The following HOXA9 variants were observed in gnomAD, a reference collection of about 807,000 sequenced individuals.
HOXA9 encodes homeobox protein Hox-A9.
Under a neutral mutation model 19.0 loss-of-function variants are expected in HOXA9, and 18 were observed. The ratio of observed to expected loss-of-function variants is 0.95; its 90% CI spans 0.65 to 1.40. The LOEUF is 1.40. Ranked by LOEUF, HOXA9 falls within the 40% of genes most tolerant of loss-of-function variation. The probability of loss-of-function intolerance (pLI) is 0.00; values close to 1 mark genes in which losing one functional copy is unlikely to be tolerated. For synonymous variants in HOXA9, 198 were observed against 161.1 expected, an observed-to-expected ratio of 1.23 and a Z score of -1.73; for missense variants, 443 against 372.2, an observed-to-expected ratio of 1.19 and a Z score of -1.57.
chr7:27,165,332 C>T lies in HOXA9; in HGVS notation c.126G>A (p.Ala42=), dbSNP rs1470934488. The change falls in exon 1 of 2, where the codon GCG becomes GCA. Residue 42 remains alanine (A), a synonymous_variant. Coordinates refer to ENST00000343483, the MANE Select transcript of HOXA9 (RefSeq NM_152739.4). ...AGTCGGGGTGCTCGGCCAGCGTCGC[C>T]GCCTGCCGGGGAGGCTGGCCCAGGG... The part of the protein sequence containing the change: ...PGTLGQPPRQ[A]ATLAEHPDFS... The T allele has an allele frequency of 1.3e-6, 2 of 1,581,268 alleles. No homozygotes were observed. The highest frequency in any genetic ancestry group is 1.1e-5 in the South Asian group (1 of 87,958).
chr7:27,163,890 G>A (rs758375108), intron 1 of HOXA9, 49 bp from the exon 2 acceptor site: 51 of 1,506,142 alleles, frequency 3.4e-5, no homozygotes, highest in Non-Finnish European at 4.7e-5. Context: ...CGCACATCCC[G>A]CTGGGGCAAA....
rs1562504660 is a variant in HOXA9 at position 27,163,774 on chromosome 7, GT to G, written c.647del (p.His216ProfsTer44). 1 of 1,614,080 alleles carries G rather than the reference GT, an allele frequency of 6.2e-7. No individual in the cohort carries two copies. The highest frequency in any genetic ancestry group is 1.7e-5 in the Admixed American group (1 of 60,010). On this transcript the variant is annotated frameshift_variant, in exon 2 of 2. Coordinates refer to ENST00000343483, the MANE Select transcript of HOXA9 (RefSeq NM_152739.4). LOFTEE classifies it high-confidence loss of function. ...ACTCTTTCTCCAGTTCCAGGGTCTG[GT>G]GTTTTGTATAGGGGCACCGCTTTTT... ...TRKKRCPYTK[H>X]QTLELEKEFL...
chr7:27,163,480 G>T lies in HOXA9; in HGVS notation c.*123C>A, dbSNP rs1350012454. The T allele has an allele frequency of 1.2e-6, 1 of 824,228 alleles. No homozygotes were observed. Among genetic ancestry groups the T allele is most frequent in the Non-Finnish European group, 2.0e-6 (1 of 511,736 alleles). 51.1% of individuals were successfully genotyped at this position (824,228 alleles called of 1,614,324 possible). ...AAGATGTGGCCTGAGGTTTAGAGCC[G>T]CTTTGTGCGGGGATGGTGGAGGCTA... On this transcript the variant is annotated 3_prime_UTR_variant, in exon 2 of 2. Transcript: ENST00000343483.
Position 27,165,490 on chromosome 7 carries a change from A to G in HOXA9, c.-33T>C. The G allele has an allele frequency of 6.5e-7, 1 of 1,529,220 alleles. No individual in the cohort carries two copies. The highest frequency in any genetic ancestry group is 2.4e-5 in the East Asian group (1 of 40,922). The allele number at this position is 1,529,220 out of a possible 1,614,324, so 94.7% of individuals were successfully genotyped here. A position where few individuals can be genotyped will look rare whatever the true frequency, so the allele number is the denominator to read the frequency against. On this transcript the variant is annotated 5_prime_UTR_variant, in exon 1 of 2. Coordinates refer to ENST00000343483, the MANE Select transcript of HOXA9 (RefSeq NM_152739.4). ...CCCAGCGCCTGGCCCGCCCGGCCCG[A>G]CCCACGGAAATTATGAAACTGCAGA...
chr7:27,165,221 G>T lies in HOXA9; in HGVS notation c.237C>A (p.Pro79=), dbSNP rs1422156122. 1.9e-6 allele frequency: 3 copies of T among 1,579,252 alleles called. No homozygotes were observed. Among genetic ancestry groups the T allele is most frequent in the Non-Finnish European group, 8.6e-7 (1 of 1,164,276 alleles). The change falls in exon 1 of 2, where the codon CCC becomes CCA. Residue 79 remains proline, a synonymous_variant. Coordinates refer to ENST00000343483, the MANE Select transcript of HOXA9 (RefSeq NM_152739.4). The part of the protein sequence containing the change: ...PVHAAGANAV[P]AAVYHHHHHH... ...GGTGATGGTGGTGGTACACCGCAGC[G>T]GGTACAGCGTTGGCGCCCGCCGCGT...
intron 1 of HOXA9, 51 bp from the exon 2 acceptor site, chr7:27,163,892 T>C (rs1404040287): frequency 1.4e-6 from 2 of 1,474,724 alleles, no homozygotes; most frequent in African/African-American, 2.8e-5. Context: ...CACATCCCGC[T>C]GGGGCAAATG....
In HOXA9 at chr7:27,163,552, C is replaced by G; in HGVS notation, c.*51G>C. 135 of 1,372,882 alleles carry G rather than the reference C, an allele frequency of 9.8e-5. No individual in the cohort carries two copies. Among genetic ancestry groups the G allele is most frequent in the Non-Finnish European group, 1.3e-4 (122 of 972,584 alleles). The allele number at this position is 1,372,882 out of a possible 1,614,324, so 85.0% of individuals were successfully genotyped here. A position where few individuals can be genotyped will look rare whatever the true frequency, so the allele number is the denominator to read the frequency against. On this transcript the variant is annotated 3_prime_UTR_variant, in exon 2 of 2. Transcript: ENST00000343483. ...GAAGGCGGAAGGGGGACGGACAGTT[C>G]TTTCTTTTTCTCTCTAGCTTACCCT...
Position 27,165,417 on chromosome 7 carries a change from G to T in HOXA9, c.41C>A (p.Ser14Ter). The change falls in exon 1 of 2, where the codon TCG (serine) becomes TAG (stop). Residue 14 changes from serine (S) to a stop codon, truncating the protein, a stop_gained. Transcript: ENST00000343483. LOFTEE classifies it high-confidence loss of function. ...CGCGGCGTCGGCGCCCAGCAGGAAC[G>T]AGTCCACGTAGTAGTTGCCCAGGGC... ...TGALGNYYVDSFLLGADAADE... is the reference protein window; with the variant it reads ...TGALGNYYVD 1 of 1,609,824 alleles carries T rather than the reference G, an allele frequency of 6.2e-7. No individual in the cohort carries two copies.
At position 27,163,607 on chromosome 7, in the gene HOXA9, TC is replaced by T; in HGVS notation, c.814del (p.Glu272SerfsTer14). ...TCTAAATAAGCCCAAATGGCATCAC[TC>T]GTCTTTTGCTCGGTCTTTGTTGATT... ...KKINKDRAKD[E>X] On this transcript the variant is annotated frameshift_variant, in exon 2 of 2. Coordinates refer to ENST00000343483, the MANE Select transcript of HOXA9 (RefSeq NM_152739.4). LOFTEE classifies it high-confidence loss of function. 6.2e-7 allele frequency: 1 copy of T among 1,610,566 alleles called. No individual in the cohort carries two copies. Among genetic ancestry groups the T allele is most frequent in the African/African-American group, 1.3e-5 (1 of 74,756 alleles).
chr7:27,164,822 A>G (rs1467989005), intron 1 of HOXA9, 56 bp downstream of exon 1: 3 of 1,573,610 alleles, frequency 1.9e-6, no homozygotes, highest in Non-Finnish European at 2.6e-6. Flanking sequence ...GCGGGCCAGC[A>G]GATCCGGGAG....
chr7:27,163,913 A>T, intron 1 of HOXA9, 72 bp from the exon 2 acceptor site: 4 of 1,286,850 alleles, frequency 3.1e-6, no homozygotes, highest in South Asian at 1.2e-5. Context: ...AGCCTCCTGC[A>T]TGGGGTCTCT....
At position 27,165,230 on chromosome 7, in the gene HOXA9, G is replaced by A; in HGVS notation, c.228C>T (p.Asn76=). 6.4e-7 allele frequency: 1 copy of A among 1,569,910 alleles called. No homozygotes were observed. Residue 76 remains asparagine (N), a synonymous_variant, in exon 1 of 2, where the codon AAC becomes AAT. Transcript: ENST00000343483. The part of the protein sequence containing the change: ...SWNPVHAAGA[N]AVPAAVYHHH... ...GGTGGTACACCGCAGCGGGTACAGC[G>A]TTGGCGCCCGCCGCGTGCACTGGGT...
At position 27,164,688 on chromosome 7, in the gene HOXA9, G is replaced by A. The variant is rs541037562; in HGVS notation, c.580+190C>T. On this transcript the variant is annotated intron_variant, in intron 1 of 1. Transcript: ENST00000343483. ...CGCCTCCTCTCCCGTAGCCCTGCGG[G>A]CCGCTCTTCACTGCTCTCCAGACTT... Among the ~76,000 whole-genome samples the A allele has an allele frequency of 2.8e-4, 43 of 152,332 alleles. 1 individual carries two copies. The South Asian group carries it at 8.7e-3, about 31-fold the overall frequency.
Position 27,163,711 on chromosome 7 carries a change from G to C in HOXA9, c.711C>G (p.Tyr237Ter). ...TGAGGTTGAGCAGTCGAGCCACCTC[G>C]TACCTGCGGTCCCTGGTGAGGTACA... Reference protein sequence around the residue: ...FNMYLTRDRRYEVARLLNLTE... With the variant: ...FNMYLTRDRR Residue 237 changes from tyrosine to a stop codon, truncating the protein, a stop_gained, in exon 2 of 2, where the codon TAC becomes TAG. Transcript: ENST00000343483. LOFTEE classifies it high-confidence loss of function. The C allele has an allele frequency of 6.2e-7, 1 of 1,613,894 alleles. No individual in the cohort carries two copies. Among genetic ancestry groups the C allele is most frequent in the Non-Finnish European group, 8.5e-7 (1 of 1,179,970 alleles).
intron 1 of HOXA9, among the ~76,000 whole-genome samples, 191 bp downstream of exon 1, chr7:27,164,687 G>C (rs1783279190): frequency 6.6e-6 from 1 of 152,220 alleles, no homozygotes; most frequent in Non-Finnish European, 1.5e-5. Flanking sequence ...TAGCCCTGCG[G>C]GCCGCTCTTC....
chr7:27,164,479 G>C (rs990672624), intron 1 of HOXA9, among the ~76,000 whole-genome samples: 7 of 152,248 alleles, frequency 4.6e-5, no homozygotes, highest in African/African-American at 1.7e-4. Context: ...CAGCGTCCCA[G>C]CTCCGGCTGC....
At position 27,163,780 on chromosome 7, in the gene HOXA9, T is replaced by G. The variant is rs143405265; in HGVS notation, c.642A>C (p.Thr214=). 17 of 1,614,050 alleles carry G rather than the reference T, an allele frequency of 1.1e-5. No homozygotes were observed. The change falls in exon 2 of 2, where the codon ACA becomes ACC. Residue 214 remains threonine, a synonymous_variant. Coordinates refer to ENST00000343483, the MANE Select transcript of HOXA9 (RefSeq NM_152739.4). ...TCTCCAGTTCCAGGGTCTGGTGTTT[T>G]GTATAGGGGCACCGCTTTTTCCGAG... ...RSTRKKRCPY[T]KHQTLELEKE...
chr7:27,163,506 G>A lies in HOXA9; in HGVS notation c.*97C>T, dbSNP rs573134752. ...CTTTGTGCGGGGATGGTGGAGGCTA[G>A]GGTGGGGGTGAGAGAAGGGAGAAGG... On this transcript the variant is annotated 3_prime_UTR_variant, in exon 2 of 2. Coordinates refer to ENST00000343483, the MANE Select transcript of HOXA9 (RefSeq NM_152739.4). 1 of 966,886 alleles carries A rather than the reference G, an allele frequency of 1.0e-6. No homozygotes were observed. Among genetic ancestry groups the A allele is most frequent in the Non-Finnish European group, 1.6e-6 (1 of 629,720 alleles). 59.9% of individuals were successfully genotyped at this position (966,886 alleles called of 1,614,324 possible).
chr7:27,163,596 A>C lies in HOXA9; in HGVS notation c.*7T>G, dbSNP rs373195636. 6 of 1,601,424 alleles carry C rather than the reference A, an allele frequency of 3.7e-6. No homozygotes were observed. The Admixed American group carries it at 1.0e-4, about 27-fold the overall frequency. ...TTACCCTTTTTTCTAAATAAGCCCAAATGGCATCACTCGTCTTTTGCTCGG... is the reference window on the plus strand; with the variant it reads ...TTACCCTTTTTTCTAAATAAGCCCACATGGCATCACTCGTCTTTTGCTCGG... On this transcript the variant is annotated 3_prime_UTR_variant, in exon 2 of 2. Transcript: ENST00000343483.
Sources: allele counts gnomAD v4.1 joint callset (sites outside exome capture counted in the v4.1 genomes callset), GRCh38; gene constraint gnomAD v4.1.1; transcripts MANE v1.5; gene names NCBI Gene and HGNC (gene_info 2026-07-23, HGNC 2026-07-21).